The following ZCCHC8 variants were observed in gnomAD, a reference collection of about 807,000 sequenced individuals.
ZCCHC8 encodes the protein zinc finger CCHC-type containing 8.
Under a neutral mutation model 70.6 loss-of-function variants are expected in ZCCHC8, and 27 were observed. That is an observed-to-expected ratio of 0.38 (90% CI 0.28 to 0.53). ZCCHC8 has a LOEUF of 0.53. Ranked by LOEUF, ZCCHC8 falls within the 20% of genes least tolerant of loss-of-function variation. ZCCHC8 has a pLI of 0.81. For missense variants in ZCCHC8, 737 were observed against 876.9 expected, an observed-to-expected ratio of 0.84 and a Z score of 2.01; for synonymous variants, 293 against 317.4, an observed-to-expected ratio of 0.92 and a Z score of 0.82.
chr12:122,495,433 C>T (rs1288789761), intron 2 of ZCCHC8, among the ~76,000 whole-genome samples: 3 of 152,132 alleles, frequency 2.0e-5, no homozygotes, highest in Non-Finnish European at 2.9e-5. Context: ...AAAGGCTGCA[C>T]TGAGTCAAGA....
intron 9 of ZCCHC8, 30 bp from the exon 10 acceptor site, chr12:122,481,694 A>G (rs759186171): frequency 6.2e-7 from 1 of 1,603,444 alleles, no homozygotes; most frequent in African/African-American, 1.3e-5. Context: ...GAAGAAAAAT[A>G]CTGAATTCTT....
In ZCCHC8 at chr12:122,474,167, G is replaced by T; in HGVS notation, c.1454C>A (p.Thr485Asn). ...LPRGTPPPVF[T>N]PPLPKGTPPL... ...CGGGGTGCCCTTTGGGAGTGGAGGG[G>T]TGAAGACGGGTGGAGGAGTTCCCCG... The change falls in exon 14 of 14, where the codon ACC becomes AAC. Residue 485 changes from threonine to asparagine, a missense_variant. Coordinates refer to ENST00000633063, the MANE Select transcript of ZCCHC8 (RefSeq NM_017612.5). 1.3e-6 allele frequency: 2 copies of T among 1,516,664 alleles called. No homozygotes were observed. Among genetic ancestry groups the T allele is most frequent in the Non-Finnish European group, 1.8e-6 (2 of 1,140,266 alleles). 94.0% of individuals were successfully genotyped at this position (1,516,664 alleles called of 1,614,324 possible). A position where few individuals can be genotyped will look rare whatever the true frequency, so the allele number is the denominator to read the frequency against.
intron 2 of ZCCHC8, among the ~76,000 whole-genome samples, chr12:122,497,681 T>C (rs1043642146): frequency 1.3e-5 from 2 of 152,122 alleles, no homozygotes; most frequent in Non-Finnish European, 1.5e-5. Context: ...TAAATAAATA[T>C]ATATTTTGAG....
chr12:122,495,049 T>A (rs190754199), intron 2 of ZCCHC8, among the ~76,000 whole-genome samples: 2 of 152,250 alleles, frequency 1.3e-5, no homozygotes, highest in African/African-American at 2.4e-5. Context: ...TCTCTATTTT[T>A]AAAAATACAC....
chr12:122,479,765 G>T (rs1213694766), intron 11 of ZCCHC8, among the ~76,000 whole-genome samples: 4 of 152,138 alleles, frequency 2.6e-5, no homozygotes. Context: ...ATTCTAGAAA[G>T]ATTCTATAAA....
chr12:122,492,689 T>C, intron 3 of ZCCHC8, 26 bp downstream of exon 3: 1 of 1,410,984 alleles, frequency 7.1e-7, no homozygotes, highest in Admixed American at 2.1e-5. Flanking sequence ...CATTATTATA[T>C]TTAGGAAAGG....
chr12:122,492,652 T>C (rs1253903556), intron 3 of ZCCHC8, 63 bp downstream of exon 3: 2 of 1,072,988 alleles, frequency 1.9e-6, no homozygotes, highest in Non-Finnish European at 2.7e-6. Context: ...AAACAGCATA[T>C]TTATAGAGAA....
intron 13 of ZCCHC8, among the ~76,000 whole-genome samples, chr12:122,474,551 G>A (rs1957381311): frequency 1.3e-5 from 2 of 152,026 alleles, no homozygotes; most frequent in East Asian, 3.9e-4. Flanking sequence ...TTTAGATTGA[G>A]GAAATGCGAG....
At chr12:122,476,230 G>T (rs560414308) in intron 13 of ZCCHC8, among the ~76,000 whole-genome samples, 1 of 152,326 alleles carries the variant, frequency 6.6e-6, no homozygotes, top group African/African-American at 2.4e-5. Flanking sequence ...TAAGCTTTCT[G>T]CCTCAGGGTC....
rs768167060 is a variant in ZCCHC8, at chr12:122,482,702, G to A, written c.672-7C>T. 3 of 1,596,044 alleles carry A rather than the reference G, an allele frequency of 1.9e-6. No individual in the cohort carries two copies. Among genetic ancestry groups the A allele is most frequent in the South Asian group, 2.3e-5 (2 of 87,164 alleles). On this transcript the variant is annotated splice_region_variant and splice_polypyrimidine_tract_variant and intron_variant, in intron 7 of 13. Transcript: ENST00000633063. ...GAAACAGTGAGGCTTTGGCCTATTT[G>A]GTCAAAAGACAAAGATTTTTATAAT...
chr12:122,483,083 G>T lies in ZCCHC8; in HGVS notation c.671+196C>A. 1 of 611,046 alleles carries T rather than the reference G, an allele frequency of 1.6e-6. No individual in the cohort carries two copies. The highest frequency in any genetic ancestry group is 2.8e-6 in the Non-Finnish European group (1 of 356,070). 37.9% of individuals were successfully genotyped at this position (611,046 alleles called of 1,614,324 possible). On this transcript the variant is annotated intron_variant, in intron 7 of 13. Coordinates refer to ENST00000633063, the MANE Select transcript of ZCCHC8 (RefSeq NM_017612.5). This position sits in a 1 kb window ranked among gnomAD's most constrained non-coding sequence, Gnocchi z 4.4. ...CTTTCCACCCACCCAGGCACATTAG[G>T]TGAGAACCAATGAATTCCAGGAAGC...
Position 122,488,732 on chromosome 12 carries a change from G to A in ZCCHC8, c.501+654C>T, listed in dbSNP as rs565488796. Among the ~76,000 whole-genome samples, 30 of 151,976 alleles carry A rather than the reference G, an allele frequency of 2.0e-4. No homozygotes were observed. The South Asian group carries it at 5.6e-3, about 28-fold the overall frequency. Reference sequence around the variant, plus strand: ...CTAAAAATACAAAAATTAGCTGGGCGTGGTGGCGGGTGCCTGTAATCCCAG... The same window carrying A: ...CTAAAAATACAAAAATTAGCTGGGCATGGTGGCGGGTGCCTGTAATCCCAG... On this transcript the variant is annotated intron_variant, in intron 5 of 13. Transcript: ENST00000633063.
chr12:122,482,611 T>G (rs766506885), intron 8 of ZCCHC8, 24 bp downstream of exon 8: 1 of 1,589,364 alleles, frequency 6.3e-7, no homozygotes, highest in Non-Finnish European at 8.6e-7. Flanking sequence ...TTCAAAGACT[T>G]TTCTTAACAT....
rs150057798 is a variant in ZCCHC8, at chr12:122,473,979, G to A, written c.1642C>T (p.Pro548Ser). The A allele has an allele frequency of 3.5e-3, 5,615 of 1,599,504 alleles. 11 individuals carry two copies. The highest frequency in any genetic ancestry group is 4.3e-3 in the Non-Finnish European group (5,012 of 1,173,538). ...GAGGCAACGGAATTGCCAGTTAAAGGTGTGTCCACAGGAACGTCGGAGTCG... is the reference window on the plus strand; with the variant it reads ...GAGGCAACGGAATTGCCAGTTAAAGATGTGTCCACAGGAACGTCGGAGTCG... ...NSDSDVPVDT[P>S]LTGNSVASSP... Residue 548 changes from proline (P) to serine (S), a missense_variant, in exon 14 of 14, where the codon CCT (proline) becomes TCT (serine). Pro to Ser is a moderately conservative substitution (Grantham distance 74). Transcript: ENST00000633063.
chr12:122,473,710 A>G lies in ZCCHC8; in HGVS notation c.1911T>C (p.Asn637=), dbSNP rs779256882. 6.2e-7 allele frequency: 1 copy of G among 1,613,970 alleles called. No homozygotes were observed. The highest frequency in any genetic ancestry group is 2.2e-5 in the East Asian group (1 of 44,890). ...CAGGAAAGAGCTTCTGGCTGCCCCC[A>G]TTGCTGATGTCACAGTTTGGTACGA... ...GSVVPNCDIS[N]GGSQKLFPAD... Residue 637 remains asparagine, a synonymous_variant, in exon 14 of 14, where the codon AAT becomes AAC. Transcript: ENST00000633063.
intron 8 of ZCCHC8, chr12:122,482,383 T>G (rs1049923152): frequency 2.3e-6 from 1 of 427,726 alleles, no homozygotes; most frequent in Admixed American, 4.0e-5. Context: ...ACTGAAAAAA[T>G]TTAATGTCTT....
rs1202786009 is a variant in ZCCHC8, at chr12:122,500,389, CGG to C, written c.199+251_199+252del. On this transcript the variant is annotated intron_variant, in intron 1 of 13. Coordinates refer to ENST00000633063, the MANE Select transcript of ZCCHC8 (RefSeq NM_017612.5). This position sits in a 1 kb window ranked among gnomAD's most constrained non-coding sequence, Gnocchi z 4.8. ...CTAAAATAACCCTAAACACGGCACC[CGG>C]GTGGGAGGCAGGAGTGGGTCTGGTC... The C allele has an allele frequency of 1.9e-6, 1 of 528,738 alleles. No homozygotes were observed. Among genetic ancestry groups the C allele is most frequent in the African/African-American group, 2.0e-5 (1 of 50,818 alleles). The allele number at this position is 528,738 out of a possible 1,614,324, so 32.8% of individuals were successfully genotyped here. A position where few individuals can be genotyped will look rare whatever the true frequency, so the allele number is the denominator to read the frequency against.
chr12:122,495,207 A>C (rs12321183), intron 2 of ZCCHC8, among the ~76,000 whole-genome samples: 402 of 152,322 alleles, frequency 2.6e-3, no homozygotes, highest in African/African-American at 6.8e-3. Context: ...AAGTAGAAGA[A>C]GGCCAGGGAA....
At chr12:122,476,048 T>C (rs1045245195) in intron 13 of ZCCHC8, among the ~76,000 whole-genome samples, 1 of 152,214 alleles carries the variant, frequency 6.6e-6, no homozygotes, top group Non-Finnish European at 1.5e-5. Context: ...ACAGATGCTG[T>C]TTTTCCTCTG....
Sources: allele counts gnomAD v4.1 joint callset (sites outside exome capture counted in the v4.1 genomes callset), GRCh38; gene constraint gnomAD v4.1.1; non-coding constraint Gnocchi (gnomAD v3.1); transcripts MANE v1.5; gene names NCBI Gene and HGNC (gene_info 2026-07-23, HGNC 2026-07-21).